The following TRIM48 variants were observed in gnomAD, a reference collection of about 807,000 sequenced individuals.
TRIM48 encodes E3 ubiquitin-protein ligase TRIM48.
Under a neutral mutation model 29.5 loss-of-function variants are expected in TRIM48, and 31 were observed. The observed-to-expected ratio is 1.05, with a 90% CI of 0.79 to 1.42. TRIM48 has a LOEUF of 1.42. Among genes scored for constraint, TRIM48 ranks in the 40% most tolerant of loss-of-function variants. TRIM48 has a pLI of 0.00. For synonymous variants in TRIM48, 128 were observed against 90.6 expected (o/e 1.41, Z -2.34); for missense variants, 344 against 265.0 (o/e 1.30, Z -2.07).
Position 55,267,575 on chromosome 11 carries a change from T to A in TRIM48, c.556-775T>A, listed in dbSNP as rs1857412626. ...CAAAATGGCTCATAGGAGGGAGATT[T>A]TTAAGAGGAATGTAAGCGGAGCTGA... On this transcript the variant is annotated intron_variant, in intron 3 of 5. Coordinates refer to ENST00000417545, the MANE Select transcript of TRIM48 (RefSeq NM_024114.5). 2.6e-6 allele frequency: 4 copies of A among 1,566,194 alleles called. 1 individual carries two copies. The Admixed American group carries it at 6.9e-5, about 27-fold the overall frequency.
At position 55,264,511 on chromosome 11, in the gene TRIM48, C is replaced by T. The variant is rs112126346; in HGVS notation, c.45-389C>T. Reference sequence around the variant, plus strand: ...AGCCATCTTCTCGTATTTCTTTGGCCAAGACAGTTTTTCCCACTCTTTCAC... The same window carrying T: ...AGCCATCTTCTCGTATTTCTTTGGCTAAGACAGTTTTTCCCACTCTTTCAC... On this transcript the variant is annotated intron_variant, in intron 1 of 5. Transcript: ENST00000417545. Among the ~76,000 whole-genome samples the T allele has an allele frequency of 4.0e-3, 591 of 147,936 alleles. 40 individuals are homozygous for T. Among genetic ancestry groups the T allele is most frequent in the African/African-American group, 0.014 (559 of 40,488 alleles).
At position 55,270,990 on chromosome 11, in the gene TRIM48, A is replaced by G; in HGVS notation, c.*555A>G. ...TGCTGTGGGAACCCCTTTATCCCAG[A>G]AAGCCCTCTTCCTTGTGCCTTATCA... On this transcript the variant is annotated 3_prime_UTR_variant, in exon 6 of 6. Transcript: ENST00000417545. The G allele has an allele frequency of 2.6e-6, 4 of 1,517,244 alleles. No individual in the cohort carries two copies. The highest frequency in any genetic ancestry group is 3.6e-6 in the Non-Finnish European group (4 of 1,126,714). 94.0% of individuals were successfully genotyped at this position (1,517,244 alleles called of 1,614,324 possible).
chr11:55,269,211 A>G lies in TRIM48; in HGVS notation c.579-31A>G, dbSNP rs1857438285. The G allele has an allele frequency of 1.2e-5, 19 of 1,565,522 alleles. 2 individuals are homozygous for G. Among genetic ancestry groups the G allele is most frequent in the Non-Finnish European group, 1.6e-5 (19 of 1,161,950 alleles). On this transcript the variant is annotated intron_variant, in intron 4 of 5. Transcript: ENST00000417545. ...TGATTTTTATTTATTTTATGGCTGTAGATGTTGTAACTGCAGGTTTTTCCT... is the reference window on the plus strand; with the variant it reads ...TGATTTTTATTTATTTTATGGCTGTGGATGTTGTAACTGCAGGTTTTTCCT...
intron 5 of TRIM48, 63 bp from the exon 6 acceptor site, chr11:55,270,374 C>T (rs541068391): frequency 1.6e-6 from 2 of 1,275,050 alleles, no homozygotes; most frequent in East Asian, 2.8e-5. Flanking sequence ...TGCTTATTTA[C>T]ACATGCCTAT....
chr11:55,265,081 C>G lies in TRIM48; in HGVS notation c.226C>G (p.Gln76Glu), dbSNP rs201958627. ...GTGCTTTGAATGCATAAAGACAATA[C>G]AGCAGAGAAACCTCAAAACTAACAT... Reference protein sequence around the residue: ...TQCFECIKTIQQRNLKTNIRL... With the variant: ...TQCFECIKTIEQRNLKTNIRL... Residue 76 changes from glutamine to glutamate, a missense_variant, in exon 2 of 6, where the codon CAG (glutamine) becomes GAG (glutamate). By Grantham distance (29) the Gln-to-Glu change is conservative. Transcript: ENST00000417545. 1.3e-6 allele frequency: 2 copies of G among 1,583,260 alleles called. 1 individual carries two copies. The highest frequency in any genetic ancestry group is 2.7e-5 in the African/African-American group (2 of 73,642).
At position 55,262,221 on chromosome 11, in the gene TRIM48, T is replaced by C; in HGVS notation, c.-47T>C. On this transcript the variant is annotated 5_prime_UTR_variant, in exon 1 of 6. Coordinates refer to ENST00000417545, the MANE Select transcript of TRIM48 (RefSeq NM_024114.5). ...TGTTTTGGTGACCTCTGAAACTCAGTACTGCAGCGAATGAGCTCCTGACCT... is the reference window on the plus strand; with the variant it reads ...TGTTTTGGTGACCTCTGAAACTCAGCACTGCAGCGAATGAGCTCCTGACCT... 6.7e-7 allele frequency: 1 copy of C among 1,486,906 alleles called. No homozygotes were observed. The allele number at this position is 1,486,906 out of a possible 1,614,324, so 92.1% of individuals were successfully genotyped here.
In TRIM48 at chr11:55,270,684, C is replaced by G; in HGVS notation, c.*249C>G. On this transcript the variant is annotated 3_prime_UTR_variant, in exon 6 of 6. Transcript: ENST00000417545. ...ATTGGAAAGGGAAGAATCAGAATGG[C>G]AATATATATGGAGAGGAGGGACTCT... 9.5e-6 allele frequency: 15 copies of G among 1,573,126 alleles called. 2 individuals are homozygous for G. The highest frequency in any genetic ancestry group is 1.3e-5 in the Non-Finnish European group (15 of 1,156,862).
Position 55,270,871 on chromosome 11 carries a change from T to A in TRIM48, c.*436T>A. Reference sequence around the variant, plus strand: ...TGATGTTAGTCAAAGCTCCCCTATATACACCATCCCTAATTGCTCCTTCTC... The same window carrying A: ...TGATGTTAGTCAAAGCTCCCCTATAAACACCATCCCTAATTGCTCCTTCTC... On this transcript the variant is annotated 3_prime_UTR_variant, in exon 6 of 6. Coordinates refer to ENST00000417545, the MANE Select transcript of TRIM48 (RefSeq NM_024114.5). The A allele has an allele frequency of 6.4e-7, 1 of 1,564,026 alleles. No individual in the cohort carries two copies. The highest frequency in any genetic ancestry group is 1.2e-5 in the South Asian group (1 of 83,086).
Position 55,270,946 on chromosome 11 carries a change from A to G in TRIM48, c.*511A>G. ...CTGTATTCTCCTCTGACCAGAGACA[A>G]ATCAGAAATGTGTTCATCTGCTGTG... On this transcript the variant is annotated 3_prime_UTR_variant, in exon 6 of 6. Coordinates refer to ENST00000417545, the MANE Select transcript of TRIM48 (RefSeq NM_024114.5). The G allele has an allele frequency of 1.9e-6, 3 of 1,556,238 alleles. No homozygotes were observed. Among genetic ancestry groups the G allele is most frequent in the Non-Finnish European group, 2.6e-6 (3 of 1,146,722 alleles).
intron 3 of TRIM48, 83 bp from the exon 4 acceptor site, chr11:55,268,267 A>G: frequency 2.5e-6 from 3 of 1,221,744 alleles, no homozygotes; most frequent in Admixed American, 3.6e-5. Flanking sequence ...ATCTTGAGGA[A>G]CTGACTCCAA....
At position 55,270,621 on chromosome 11, in the gene TRIM48, G is replaced by A. The variant is rs540067872; in HGVS notation, c.*186G>A. 10 of 1,582,472 alleles carry A rather than the reference G, an allele frequency of 6.3e-6. 1 individual carries two copies. The highest frequency in any genetic ancestry group is 7.7e-6 in the Non-Finnish European group (9 of 1,165,134). On this transcript the variant is annotated 3_prime_UTR_variant, in exon 6 of 6. Coordinates refer to ENST00000417545, the MANE Select transcript of TRIM48 (RefSeq NM_024114.5). ...AATATTACTGGGAGGTCCATGTGGG[G>A]GACTCTTGGAATTGGGCTTTTGGTG...
rs770378253 is a variant in TRIM48, at chr11:55,265,319, G to T, written c.459+5G>T. On this transcript the variant is annotated splice_donor_5th_base_variant and intron_variant, in intron 2 of 5. Transcript: ENST00000417545. The stretch of plus-strand genomic sequence containing the variant: ...TGGGCTGCTGAGGAACACTGGGTAA[G>T]TGATGCCTCTGAAGATCTATTTCTA... The T allele has an allele frequency of 1.3e-6, 2 of 1,582,246 alleles. No homozygotes were observed. Among genetic ancestry groups the T allele is most frequent in the African/African-American group, 1.4e-5 (1 of 73,610 alleles).
chr11:55,269,124 T>A lies in TRIM48; in HGVS notation c.579-118T>A. On this transcript the variant is annotated intron_variant, in intron 4 of 5. Coordinates refer to ENST00000417545, the MANE Select transcript of TRIM48 (RefSeq NM_024114.5). ...TAATTCCAAAAAGGAAGGAATAATT[T>A]TTGAATTATCAAATTTGTGGGTTCA... The A allele has an allele frequency of 9.3e-6, 13 of 1,395,306 alleles. 2 individuals are homozygous for A. The South Asian group carries it at 1.8e-4, about 20-fold the overall frequency. 86.4% of individuals were successfully genotyped at this position (1,395,306 alleles called of 1,614,324 possible).
rs990121484 is a variant in TRIM48 at position 55,270,391 on chromosome 11, TTTC to T, written c.*2-43_*2-41del. 1.9e-4 allele frequency: 254 copies of T among 1,369,076 alleles called. 17 individuals are homozygous for T. The highest frequency in any genetic ancestry group is 9.4e-5 in the Admixed American group (4 of 42,366). 84.8% of individuals were successfully genotyped at this position (1,369,076 alleles called of 1,614,324 possible). ...CTTATTTACACATGCCTATGCATGTTTTCTTTCTTTCTTTCTTTCTATTTATTT... is the reference window on the plus strand; with the variant it reads ...CTTATTTACACATGCCTATGCATGTTTTTCTTTCTTTCTTTCTATTTATTT... On this transcript the variant is annotated intron_variant, in intron 5 of 5. Transcript: ENST00000417545.
chr11:55,267,239 T>C (rs1011977884), intron 3 of TRIM48, among the ~76,000 whole-genome samples: 1 of 147,690 alleles, frequency 6.8e-6, no homozygotes, highest in African/African-American at 2.5e-5. Context: ...GATACATCTA[T>C]GTTGATCTTT....
rs760894280 is a variant in TRIM48 at position 55,265,641 on chromosome 11, T to C, written c.501T>C (p.Ala167=). The part of the protein sequence containing the change: ...LKKMQSLWEK[A]CENQRNLNVE... The stretch of plus-strand genomic sequence containing the variant: ...AAATGCAGTCTTTATGGGAAAAAGC[T>C]TGTGAAAATCAGAGAAACCTGAATG... Residue 167 remains alanine, a synonymous_variant, in exon 3 of 6, where the codon GCT becomes GCC. Coordinates refer to ENST00000417545, the MANE Select transcript of TRIM48 (RefSeq NM_024114.5). 3.9e-5 allele frequency: 62 copies of C among 1,581,720 alleles called. 4 individuals carry two copies. The highest frequency in any genetic ancestry group is 5.1e-5 in the Non-Finnish European group (60 of 1,165,444).
Position 55,266,186 on chromosome 11 carries a change from T to C in TRIM48, c.555+491T>C, listed in dbSNP as rs1857389733. On this transcript the variant is annotated intron_variant, in intron 3 of 5. Coordinates refer to ENST00000417545, the MANE Select transcript of TRIM48 (RefSeq NM_024114.5). ...CCATGAAATTAAGAATCCAAACTAA[T>C]TAATATTGAATAATACATAACATAT... 1.4e-5 allele frequency among the ~76,000 whole-genome samples: 2 copies of C among 147,482 alleles called. 1 individual carries two copies. The highest frequency in any genetic ancestry group is 5.0e-5 in the African/African-American group (2 of 40,340).
chr11:55,270,351 A>T, intron 5 of TRIM48, 86 bp from the exon 6 acceptor site: 2 of 1,144,534 alleles, frequency 1.7e-6, no homozygotes, highest in Non-Finnish European at 2.4e-6. Context: ...TAACTTTTTG[A>T]TAGAACGATT....
chr11:55,265,027 A>T lies in TRIM48; in HGVS notation c.172A>T (p.Asn58Tyr), dbSNP rs1333899492. The T allele has an allele frequency of 1.3e-6, 2 of 1,584,292 alleles. No individual in the cohort carries two copies. Among genetic ancestry groups the T allele is most frequent in the Non-Finnish European group, 1.7e-6 (2 of 1,166,302 alleles). Residue 58 changes from asparagine (N) to tyrosine (Y), a missense_variant, in exon 2 of 6, where the codon AAC becomes TAC. Asn to Tyr is a moderately radical substitution (Grantham distance 143). Coordinates refer to ENST00000417545, the MANE Select transcript of TRIM48 (RefSeq NM_024114.5). ...HSFCRPCFYL[N>Y]WQDIPILTQC... ...CTTTTGCAGGCCCTGTTTCTACCTC[A>T]ACTGGCAAGACATCCCAATTCTTAC...
Sources: allele counts gnomAD v4.1 joint callset (sites outside exome capture counted in the v4.1 genomes callset), GRCh38; gene constraint gnomAD v4.1.1; transcripts MANE v1.5; gene names NCBI Gene and HGNC (gene_info 2026-07-23, HGNC 2026-07-21).